Variants in CHD8 observed in about 807,000 individuals in gnomAD.
CHD8 encodes the protein chromodomain helicase DNA binding protein 8, also known as ATP-dependent chromatin remodeler CHD8.
A neutral mutation model predicts 279.2 loss-of-function variants in CHD8; 31 were observed. That is an observed-to-expected ratio of 0.11 (90% CI 0.08 to 0.15). The LOEUF is 0.15. CHD8 is among the 10% of genes least tolerant of loss of function. The pLI is 1.00. For synonymous variants in CHD8, 1,081 were observed against 1,139.6 expected (o/e 0.95, Z 1.04); for missense variants, 2,146 against 3,230.5 (o/e 0.66, Z 8.14).
At chr14:21,387,862 T>C (rs1222865739) in intron 37 of CHD8, among the ~76,000 whole-genome samples, 1 of 150,912 alleles carries the variant, frequency 6.6e-6, no homozygotes, top group African/African-American at 2.4e-5. Context: ...GGATTTTCTG[T>C]GATTTTCTAT....
At chr14:21,447,223 G>A (rs1890144258) in intron 1 of CHD8, among the ~76,000 whole-genome samples, 1 of 152,178 alleles carries the variant, frequency 6.6e-6, no homozygotes, top group African/African-American at 2.4e-5. Context: ...GGGGTTGTAT[G>A]GCACTACACA....
chr14:21,432,720 G>A (rs1022837118), intron 1 of CHD8, among the ~76,000 whole-genome samples: 4 of 152,076 alleles, frequency 2.6e-5, no homozygotes, highest in Non-Finnish European at 5.9e-5. Context: ...AACCCTCAAA[G>A]GTCTTCTACT....
At position 21,385,680 on chromosome 14, in the gene CHD8, T is replaced by A. The variant is rs1267860493; in HGVS notation, c.7679A>T (p.Asp2560Val). The change falls in exon 38 of 38, where the codon GAC (aspartate) becomes GTC (valine). Residue 2560 changes from aspartate (D) to valine (V), a missense_variant. Asp to Val is a radical substitution (Grantham distance 152). Transcript: ENST00000646647. The part of the protein sequence containing the change: ...LSQGYDSSER[D>V]FSLIDDPMMP... ...CATAGGATCATCAATGAGTGAGAAGTCCCTTTCTGAGCTATCATAGCCCTG... is the reference window on the plus strand; with the variant it reads ...CATAGGATCATCAATGAGTGAGAAGACCCTTTCTGAGCTATCATAGCCCTG... 6.4e-7 allele frequency: 1 copy of A among 1,551,956 alleles called. No homozygotes were observed. Among genetic ancestry groups the A allele is most frequent in the East Asian group, 2.4e-5 (1 of 40,914 alleles).
Position 21,400,659 on chromosome 14 carries a change from C to G in CHD8, c.4371-47G>C, listed in dbSNP as rs754103084. ...TAACATTTTTCTGAGAAATGACAGT[C>G]CCCTGTCCCTCAGAATCATGTCTCT... is the stretch of plus-strand genomic sequence containing the variant. On this transcript the variant is annotated intron_variant, in intron 22 of 37. Transcript: ENST00000646647. The surrounding 1 kb of genome is among the most constrained non-coding windows in gnomAD (Gnocchi z 4.2). 2.0e-6 allele frequency: 3 copies of G among 1,469,394 alleles called. No homozygotes were observed. Among genetic ancestry groups the G allele is most frequent in the Non-Finnish European group, 2.7e-6 (3 of 1,099,456 alleles). 91.0% of individuals were successfully genotyped at this position (1,469,394 alleles called of 1,614,324 possible).
Position 21,410,102 on chromosome 14 carries a change from G to A in CHD8, c.2227-114C>T, listed in dbSNP as rs961154380. The A allele has an allele frequency of 1.2e-4, 128 of 1,035,478 alleles. 1 individual carries two copies. The highest frequency in any genetic ancestry group is 7.4e-4 in the African/African-American group (46 of 61,850). The allele number at this position is 1,035,478 out of a possible 1,614,324, so 64.1% of individuals were successfully genotyped here. A position where few individuals can be genotyped will look rare whatever the true frequency, so the allele number is the denominator to read the frequency against. On this transcript the variant is annotated intron_variant, in intron 10 of 37. Coordinates refer to ENST00000646647, the MANE Select transcript of CHD8 (RefSeq NM_001170629.2). ...CACAAAGTATCAGTACCTAGAAGCC[G>A]TTGAAAAAGTCAGGCCAAACACATC...
rs1221490822 is a variant in CHD8 at position 21,397,849 on chromosome 14, C to T, written c.5025G>A (p.Leu1675=). Residue 1675 remains leucine (L), a synonymous_variant, in exon 27 of 38, where the codon TTG becomes TTA. Transcript: ENST00000646647. The part of the protein sequence containing the change: ...DKAIAAEHRV[L]DNFSDIVEGV... Reference sequence around the variant, plus strand: ...CTTCTACTATGTCAGAGAAGTTATCCAACACTCGATGTTCTGCTGCAATTG... The same window carrying T: ...CTTCTACTATGTCAGAGAAGTTATCTAACACTCGATGTTCTGCTGCAATTG... 6.2e-7 allele frequency: 1 copy of T among 1,613,552 alleles called. No individual in the cohort carries two copies.
rs1012219606 is a variant in CHD8, at chr14:21,385,826, C to G, written c.7533G>C (p.Leu2511Phe). Reference protein sequence around the residue: ...PHHHHHHHPGLRAPGYPSSPV... With the variant: ...PHHHHHHHPGFRAPGYPSSPV... Reference sequence around the variant, plus strand: ...GTGAAGAGGGGTAGCCAGGGGCTCTCAAGCCTGGATGGTGATGGTGGTGAT... The same window carrying G: ...GTGAAGAGGGGTAGCCAGGGGCTCTGAAGCCTGGATGGTGATGGTGGTGAT... The change falls in exon 38 of 38, where the codon TTG becomes TTC. Residue 2511 changes from leucine (L) to phenylalanine (F), a missense_variant. Physicochemically the swap from Leu to Phe is conservative, Grantham distance 22 (BLOSUM62 0). This residue lies in a region of CHD8 where 336 missense variants were observed against 392.9 expected (regional missense o/e 0.86). Transcript: ENST00000646647. The G allele has an allele frequency of 1.3e-6, 2 of 1,502,372 alleles. No homozygotes were observed. Among genetic ancestry groups the G allele is most frequent in the African/African-American group, 3.1e-5 (2 of 64,120 alleles). The allele number at this position is 1,502,372 out of a possible 1,614,324, so 93.1% of individuals were successfully genotyped here.
chr14:21,395,179 G>A (rs995789591), intron 29 of CHD8, 60 bp from the exon 30 acceptor site: 8 of 1,548,064 alleles, frequency 5.2e-6, no homozygotes, highest in Admixed American at 3.7e-5. Flanking sequence ...GGCAATACTA[G>A]TATTTTAACC....
chr14:21,427,586 G>A lies in CHD8; in HGVS notation c.1601+283C>T, dbSNP rs1378696557. The A allele has an allele frequency of 6.4e-6, 9 of 1,410,980 alleles. No individual in the cohort carries two copies. The African/African-American group carries it at 1.0e-4, about 16-fold the overall frequency. 87.4% of individuals were successfully genotyped at this position (1,410,980 alleles called of 1,614,324 possible). A position where few individuals can be genotyped will look rare whatever the true frequency, so the allele number is the denominator to read the frequency against. ...TACTCTTGCACGTCCCATCACAGTAGCAAGGAGCACTCACTTGAGCTTGCT... is the reference window on the plus strand; with the variant it reads ...TACTCTTGCACGTCCCATCACAGTAACAAGGAGCACTCACTTGAGCTTGCT... On this transcript the variant is annotated intron_variant, in intron 4 of 37. Coordinates refer to ENST00000646647, the MANE Select transcript of CHD8 (RefSeq NM_001170629.2).
intron 3 of CHD8, 30 bp downstream of exon 3, chr14:21,428,934 T>C (rs1889444658): frequency 1.2e-6 from 2 of 1,610,502 alleles, no homozygotes; most frequent in Non-Finnish European, 1.7e-6. Context: ...TTTTGTTTTC[T>C]TTCTTTTCCT....
Position 21,391,824 on chromosome 14 carries a change from A to G in CHD8, c.6885+9T>C. 1 of 1,592,876 alleles carries G rather than the reference A, an allele frequency of 6.3e-7. No homozygotes were observed. The highest frequency in any genetic ancestry group is 8.6e-7 in the Non-Finnish European group (1 of 1,160,622). ...AATCGTCAGGTTAAAGACTTTCTCT[A>G]CCACTCACCTCTACTAGCTTCTTTC... On this transcript the variant is annotated intron_variant, in intron 35 of 37. Coordinates refer to ENST00000646647, the MANE Select transcript of CHD8 (RefSeq NM_001170629.2).
chr14:21,433,126 A>G (rs1421771958), intron 1 of CHD8, among the ~76,000 whole-genome samples: 1 of 152,230 alleles, frequency 6.6e-6, no homozygotes, highest in African/African-American at 2.4e-5. Flanking sequence ...TAGCACATAT[A>G]GTAGCTAATC....
At chr14:21,454,467 G>C (rs1027118194) in intron 1 of CHD8, among the ~76,000 whole-genome samples, 1 of 152,080 alleles carries the variant, frequency 6.6e-6, no homozygotes, top group Non-Finnish European at 1.5e-5. Context: ...ACAGGCACGC[G>C]TCACCATGCC....
At position 21,414,987 on chromosome 14, in the gene CHD8, A is replaced by C. The variant is rs757758657; in HGVS notation, c.1975T>G (p.Ser659Ala). 1.9e-6 allele frequency: 3 copies of C among 1,589,994 alleles called. No individual in the cohort carries two copies. The highest frequency in any genetic ancestry group is 2.6e-6 in the Non-Finnish European group (3 of 1,165,752). The part of the protein sequence containing the change: ...SMRIVKKELP[S>A]GQYTEAEEFF... Reference sequence around the variant, plus strand: ...TCTTCTGCTTCAGTATATTGTCCAGAAGGGAGCTAAGAAAAAAGAAATAAA... The same window carrying C: ...TCTTCTGCTTCAGTATATTGTCCAGCAGGGAGCTAAGAAAAAAGAAATAAA... The change falls in exon 8 of 38, where the codon TCT (serine) becomes GCT (alanine). Residue 659 changes from serine to alanine, a missense_variant. Physicochemically the swap from Ser to Ala is moderately conservative, Grantham distance 99. Around this residue, in one of 26 missense-constraint regions of CHD8, gnomAD observed 24 missense variants for 56.7 expected, o/e 0.42. Coordinates refer to ENST00000646647, the MANE Select transcript of CHD8 (RefSeq NM_001170629.2).
At position 21,403,146 on chromosome 14, in the gene CHD8, G is replaced by A; in HGVS notation, c.3585C>T (p.Phe1195=). 1 of 1,614,018 alleles carries A rather than the reference G, an allele frequency of 6.2e-7. No individual in the cohort carries two copies. Among genetic ancestry groups the A allele is most frequent in the Non-Finnish European group, 8.5e-7 (1 of 1,179,890 alleles). The change falls in exon 18 of 38, where the codon TTC becomes TTT. Residue 1195 remains phenylalanine (F), a synonymous_variant. Coordinates refer to ENST00000646647, the MANE Select transcript of CHD8 (RefSeq NM_001170629.2). The surrounding 1 kb of genome is among the most constrained non-coding windows in gnomAD (Gnocchi z 4.3). ...CAAAGCGGTCTGAGTCAGGCTTGCT[G>A]AAGCGGTCAATGGCAGCCTGTCGAA... ...GNLRQAAIDR[F]SKPDSDRFVF...
chr14:21,434,491 AT>A (rs33999210), intron 1 of CHD8, among the ~76,000 whole-genome samples: 194 of 144,912 alleles, frequency 1.3e-3, no homozygotes, highest in Admixed American at 1.6e-3. Context: ...TTAGGCCCAG[AT>A]TTTTTTTTTT....
rs560979536 is a variant in CHD8 at position 21,435,554 on chromosome 14, T to C, written c.-215-3696A>G. 2.8e-4 allele frequency among the ~76,000 whole-genome samples: 43 copies of C among 152,294 alleles called. No homozygotes were observed. The South Asian group carries it at 8.5e-3, about 30-fold the overall frequency. The stretch of plus-strand genomic sequence containing the variant: ...ATAAACTGTCTGTCCTATGATAAAG[T>C]ATTTTGTTTTAATTCTACCCTATAT... On this transcript the variant is annotated intron_variant, in intron 1 of 37. Coordinates refer to ENST00000646647, the MANE Select transcript of CHD8 (RefSeq NM_001170629.2).
At chr14:21,399,459 A>G (rs1887937161) in intron 26 of CHD8, 143 bp downstream of exon 26, 1 of 642,064 alleles carries the variant, frequency 1.6e-6, no homozygotes, top group Non-Finnish European at 2.8e-6. Context: ...TCTGCTCTGG[A>G]TATTTAAGAA....
At chr14:21,399,811 C>CT (rs1775094828) in intron 25 of CHD8, 106 bp from the exon 26 acceptor site, 7 of 943,138 alleles carry the variant, frequency 7.4e-6, no homozygotes, top group Middle Eastern at 2.2e-4. Flanking sequence ...AATTTAAATA[C>CT]TCATGCATCT....
Sources: allele counts gnomAD v4.1 joint callset (sites outside exome capture counted in the v4.1 genomes callset), GRCh38; gene constraint gnomAD v4.1.1; regional missense constraint gnomAD v4.1.1; non-coding constraint Gnocchi (gnomAD v3.1); transcripts MANE v1.5; gene names NCBI Gene and HGNC (gene_info 2026-07-23, HGNC 2026-07-21).